The following LRRTM4 variants were observed in gnomAD, a reference collection of about 807,000 sequenced individuals.
LRRTM4 encodes leucine-rich repeat transmembrane neuronal protein 4.
LRRTM4 carries 25 observed loss-of-function variants against 47.6 expected under a neutral mutation model. The ratio of observed to expected loss-of-function variants is 0.53; its 90% CI spans 0.38 to 0.73. LRRTM4 has a LOEUF of 0.73. Ranked by LOEUF, LRRTM4 falls within the 30% of genes least tolerant of loss-of-function variation. The pLI, the probability that LRRTM4 is intolerant of heterozygous loss-of-function variation, is 0.00. For missense variants in LRRTM4, 638 were observed against 713.4 expected (o/e 0.89, Z 1.20); for synonymous variants, 311 against 269.5 (o/e 1.15, Z -1.51).
intron 3 of LRRTM4, among the ~76,000 whole-genome samples, chr2:76,817,444 C>T (rs557359166): frequency 6.6e-6 from 1 of 151,940 alleles, no homozygotes; most frequent in Non-Finnish European, 1.5e-5. Context: ...GAGCAATGAA[C>T]ATTTTCGAGT....
At chr2:77,340,990 A>G (rs1671352078) in intron 3 of LRRTM4, among the ~76,000 whole-genome samples, 2 of 151,880 alleles carry the variant, frequency 1.3e-5, no homozygotes, top group Admixed American at 6.6e-5. Flanking sequence ...TGCAATTCCA[A>G]TTTTTAGATG....
chr2:76,827,195 A>T (rs1397290505), intron 3 of LRRTM4, among the ~76,000 whole-genome samples: 2 of 151,840 alleles, frequency 1.3e-5, no homozygotes, highest in Non-Finnish European at 2.9e-5. Context: ...TCCCTATGAC[A>T]TTATTTTCCA....
intron 3 of LRRTM4, among the ~76,000 whole-genome samples, chr2:76,977,588 G>A (rs564284167): frequency 6.6e-6 from 1 of 151,824 alleles, no homozygotes; most frequent in African/African-American, 2.4e-5. Flanking sequence ...CAATGCCCAA[G>A]GCATAAATGC....
chr2:77,303,779 G>A (rs962836151), intron 3 of LRRTM4, among the ~76,000 whole-genome samples: 2 of 152,246 alleles, frequency 1.3e-5, no homozygotes, highest in South Asian at 4.2e-4. Context: ...TGTCACAAAT[G>A]ACATGATTTC....
intron 3 of LRRTM4, among the ~76,000 whole-genome samples, chr2:77,372,071 T>C (rs1176469766): frequency 6.6e-6 from 1 of 151,728 alleles, no homozygotes; most frequent in Non-Finnish European, 1.5e-5. Flanking sequence ...CACAGTAGAT[T>C]TGTGTTACAG....
intron 3 of LRRTM4, among the ~76,000 whole-genome samples, chr2:77,177,369 T>A (rs1053978786): frequency 6.6e-6 from 1 of 152,170 alleles, no homozygotes; most frequent in African/African-American, 2.4e-5. Flanking sequence ...TCTCTTAGAA[T>A]GTGTCTTAGG....
At chr2:77,055,700 A>C (rs1273444143) in intron 3 of LRRTM4, among the ~76,000 whole-genome samples, 2 of 152,016 alleles carry the variant, frequency 1.3e-5, no homozygotes, top group Non-Finnish European at 2.9e-5. Flanking sequence ...GTATATACCC[A>C]AAGGACTATA....
chr2:77,225,294 C>T (rs1382230255), intron 3 of LRRTM4, among the ~76,000 whole-genome samples: 1 of 145,642 alleles, frequency 6.9e-6, no homozygotes, highest in Non-Finnish European at 1.5e-5. Context: ...AGCACACCAA[C>T]ATGGCACATG....
chr2:77,334,041 G>C (rs1209198653), intron 3 of LRRTM4, among the ~76,000 whole-genome samples: 1 of 152,142 alleles, frequency 6.6e-6, no homozygotes, highest in African/African-American at 2.4e-5. Flanking sequence ...CTGGATTTTG[G>C]ACTTGAATGG....
intron 3 of LRRTM4, among the ~76,000 whole-genome samples, chr2:77,070,577 A>G (rs917299806): frequency 5.3e-5 from 8 of 151,986 alleles, no homozygotes; most frequent in African/African-American, 1.7e-4. Flanking sequence ...TTCTACTAAG[A>G]TATTGTATCT....
rs780251361 is a variant in LRRTM4 at position 77,519,257 on chromosome 2, G to C, written c.612C>G (p.Leu204=). Residue 204 remains leucine, a synonymous_variant, in exon 3 of 4, where the codon CTC becomes CTG. Coordinates refer to ENST00000409884, the MANE Select transcript of LRRTM4 (RefSeq NM_001134745.3). This position sits in a 1 kb window ranked among gnomAD's most constrained non-coding sequence, Gnocchi z 4.6. ...CCAGGTGGAGCTCCTTTAACTTCAA[G>C]AGGCCAGCAAATGCATTTCGGGACA... ...RSLSRNAFAG[L]LKLKELHLEH... 6.2e-7 allele frequency: 1 copy of C among 1,613,402 alleles called. No individual in the cohort carries two copies. The highest frequency in any genetic ancestry group is 8.5e-7 in the Non-Finnish European group (1 of 1,179,600).
At chr2:76,949,659 CAGTTCCTCT>C (rs1675436081) in intron 3 of LRRTM4, among the ~76,000 whole-genome samples, 2 of 151,836 alleles carry the variant, frequency 1.3e-5, no homozygotes, top group African/African-American at 2.4e-5. Context: ...CTCTGGTATC[CAGTTCCTCT>C]GTGTTTCAAT....
intron 3 of LRRTM4, among the ~76,000 whole-genome samples, chr2:76,826,860 C>G (rs1421285730): frequency 6.6e-6 from 1 of 151,762 alleles, no homozygotes; most frequent in Non-Finnish European, 1.5e-5. Flanking sequence ...AGTTCTGTAG[C>G]CAAAGGGATG....
At chr2:77,126,604 C>A (rs556950177) in intron 3 of LRRTM4, among the ~76,000 whole-genome samples, 24 of 152,186 alleles carry the variant, frequency 1.6e-4, no homozygotes, top group African/African-American at 5.8e-4. Context: ...TTTAAACTCA[C>A]TTTATATGGA....
chr2:77,490,112 C>T (rs981467814), intron 3 of LRRTM4, among the ~76,000 whole-genome samples: 2 of 151,776 alleles, frequency 1.3e-5, no homozygotes, highest in African/African-American at 2.4e-5. Flanking sequence ...TAGCCGGGCA[C>T]GGTGGCAGGT....
At chr2:77,371,069 G>A (rs1306114868) in intron 3 of LRRTM4, among the ~76,000 whole-genome samples, 1 of 151,662 alleles carries the variant, frequency 6.6e-6, no homozygotes, top group Admixed American at 6.6e-5. Flanking sequence ...TCAAAGGTGA[G>A]TCCCTCTATA....
intron 3 of LRRTM4, among the ~76,000 whole-genome samples, chr2:77,054,125 G>A (rs1245519501): frequency 6.6e-6 from 1 of 150,928 alleles, no homozygotes; most frequent in South Asian, 2.1e-4. Flanking sequence ...GGAAACCACA[G>A]TAGCAATCTC....
chr2:76,821,980 A>T (rs1256209967), intron 3 of LRRTM4, among the ~76,000 whole-genome samples: 1 of 151,646 alleles, frequency 6.6e-6, no homozygotes, highest in African/African-American at 2.4e-5. Flanking sequence ...AAGTTAATCT[A>T]TGTTTGTTTT....
intron 3 of LRRTM4, among the ~76,000 whole-genome samples, chr2:76,933,353 A>T (rs1451391247): frequency 6.6e-6 from 1 of 152,094 alleles, no homozygotes; most frequent in Non-Finnish European, 1.5e-5. Context: ...CTGTGCAAAA[A>T]TAGGCATGTT....
Sources: gnomAD v4.1 joint callset for allele counts (sites outside exome capture counted in the v4.1 genomes callset) on GRCh38, gnomAD v4.1.1 for gene constraint, Gnocchi (gnomAD v3.1) non-coding constraint, MANE v1.5 for transcripts, NCBI Gene and HGNC (gene_info 2026-07-23, HGNC 2026-07-21) for gene names.